ERCC6: variants seen among roughly 807,000 people sequenced by gnomAD.
ERCC6 encodes ERCC excision repair 6, chromatin remodeling factor.
Under a neutral mutation model 158.7 loss-of-function variants are expected in ERCC6, and 116 were observed. The ratio of observed to expected loss-of-function variants is 0.73; its 90% CI spans 0.63 to 0.85. The LOEUF (loss-of-function observed/expected upper bound fraction) is 0.85, where lower values mean the gene tolerates loss of function less well. Among genes scored for constraint, ERCC6 ranks in the 40% least tolerant of loss-of-function variants. The probability of loss-of-function intolerance (pLI) is 0.00; values close to 1 mark genes in which losing one functional copy is unlikely to be tolerated. For synonymous variants in ERCC6, 678 were observed against 659.3 expected, an observed-to-expected ratio of 1.03 and a Z score of -0.43; for missense variants, 1,698 against 1,799.4, an observed-to-expected ratio of 0.94 and a Z score of 1.02.
chr10:49,503,329 T>G (rs1253313126), intron 6 of ERCC6: 1 of 152,074 alleles, frequency 6.6e-6, no homozygotes, highest in Non-Finnish European at 1.5e-5. Flanking sequence ...ACAAATCTAA[T>G]CTTCGACGGC....
intron 10 of ERCC6, among the ~76,000 whole-genome samples, chr10:49,479,724 C>A (rs1015669876): frequency 6.6e-6 from 1 of 152,188 alleles, no homozygotes; most frequent in Non-Finnish European, 1.5e-5. Flanking sequence ...AGCGAGCATG[C>A]TGGTTGGAGG....
chr10:49,515,729 G>A lies in ERCC6; in HGVS notation c.1397+8304C>T, dbSNP rs765093637. 2.9e-5 allele frequency: 47 copies of A among 1,613,902 alleles called. No homozygotes were observed. In the East Asian group the frequency reaches 4.0e-4, roughly 14 times the overall value. On this transcript the variant is annotated intron_variant, in intron 5 of 20. Transcript: ENST00000355832. ...CAATGTTTTCATCAGCTCTGTCTAC[G>A]CCTCCCATGAACTGGTTATACACTT...
chr10:49,464,409 T>G (rs1403048340), intron 18 of ERCC6, among the ~76,000 whole-genome samples: 1 of 152,220 alleles, frequency 6.6e-6, no homozygotes, highest in Non-Finnish European at 1.5e-5. Flanking sequence ...GCATAAAAGT[T>G]TGGACAATTT....
intron 5 of ERCC6, among the ~76,000 whole-genome samples, chr10:49,513,827 T>C: frequency 6.6e-6 from 1 of 151,918 alleles, no homozygotes; most frequent in East Asian, 1.9e-4. Flanking sequence ...CCAAACCATA[T>C]CAATACTATT....
chr10:49,514,873 ACTTTT>A (rs745909036), intron 5 of ERCC6, among the ~76,000 whole-genome samples: 1 of 151,476 alleles, frequency 6.6e-6, no homozygotes, highest in African/African-American at 2.5e-5. Flanking sequence ...TTGGTGTTTT[ACTTTT>A]CTTATCTTCC....
chr10:49,443,413 C>A, the ERCC6 span, among the ~76,000 whole-genome samples: 3 of 152,166 alleles, frequency 2.0e-5, no homozygotes, highest in Admixed American at 2.0e-4. Context: ...ATGGAATACA[C>A]AATGGTGGTC....
chr10:49,436,883 A>T, the ERCC6 span, among the ~76,000 whole-genome samples: 1 of 152,242 alleles, frequency 6.6e-6, no homozygotes, highest in Non-Finnish European at 1.5e-5. Flanking sequence ...GGTAAGAGAG[A>T]ATAGATAAAT....
chr10:49,454,380 G>A (rs1277562264), downstream of ERCC6, among the ~76,000 whole-genome samples: 1 of 152,170 alleles, frequency 6.6e-6, no homozygotes, highest in African/African-American at 2.4e-5. Context: ...GGGAGACGGA[G>A]CTCTGTTTTC....
At chr10:49,487,295 C>T (rs570342939) in intron 8 of ERCC6, among the ~76,000 whole-genome samples, 13 of 152,266 alleles carry the variant, frequency 8.5e-5, no homozygotes, top group African/African-American at 2.9e-4. Flanking sequence ...AATAATTTGA[C>T]AGGTGTGTGC....
At chr10:49,435,652 AC>A in the ERCC6 span, among the ~76,000 whole-genome samples, 4 of 152,192 alleles carry the variant, frequency 2.6e-5, no homozygotes, top group Non-Finnish European at 5.9e-5. Context: ...TATAGGATGA[AC>A]CTAAAGCAGT....
intron 5 of ERCC6, among the ~76,000 whole-genome samples, chr10:49,517,957 A>G (rs1242449703): frequency 6.6e-6 from 1 of 152,218 alleles, no homozygotes; most frequent in African/African-American, 2.4e-5. Context: ...AGATTTTGGG[A>G]GAGTTTTGTT....
At chr10:49,515,440 CCT>C (rs1265508126) in intron 5 of ERCC6, 2 of 1,614,098 alleles carry the variant, frequency 1.2e-6, no homozygotes, top group East Asian at 2.2e-5. Context: ...GTTTGCTTTC[CCT>C]GTTTGACTAT....
intron 6 of ERCC6, chr10:49,501,809 A>C (rs1251062287): frequency 6.6e-6 from 1 of 151,842 alleles, no homozygotes; most frequent in Admixed American, 6.6e-5. Flanking sequence ...AAAAAAAAAA[A>C]TTTAGCCAGG....
At chr10:49,512,901 G>A (rs1836847295) in intron 5 of ERCC6, among the ~76,000 whole-genome samples, 1 of 152,112 alleles carries the variant, frequency 6.6e-6, no homozygotes, top group African/African-American at 2.4e-5. Context: ...TTGGATTTTC[G>A]GACTAGGGAT....
chr10:49,531,627 G>C (rs1837471029), intron 2 of ERCC6, among the ~76,000 whole-genome samples: 4 of 152,120 alleles, frequency 2.6e-5, no homozygotes, highest in Admixed American at 2.6e-4. Flanking sequence ...TCATTACAAA[G>C]AGTTGAGGTC....
At chr10:49,523,886 A>T in intron 5 of ERCC6, 147 bp downstream of exon 5, 2 of 1,189,618 alleles carry the variant, frequency 1.7e-6, no homozygotes, top group Non-Finnish European at 1.2e-6. Context: ...CACTGCTTCT[A>T]GCAGGTTAAG....
chr10:49,519,699 AG>A, intron 5 of ERCC6, among the ~76,000 whole-genome samples: 1 of 152,224 alleles, frequency 6.6e-6, no homozygotes, highest in East Asian at 1.9e-4. Flanking sequence ...GCCATAGTAA[AG>A]AAAAAAGCAT....
chr10:49,523,326 C>T (rs1355004271), intron 5 of ERCC6, among the ~76,000 whole-genome samples: 1 of 152,182 alleles, frequency 6.6e-6, no homozygotes, highest in East Asian at 1.9e-4. Flanking sequence ...TCTCAGAAAA[C>T]GTGTGGCAAT....
At chr10:49,460,580 G>A in intron 19 of ERCC6, 129 bp from the exon 20 acceptor site, 1 of 724,644 alleles carries the variant, frequency 1.4e-6, no homozygotes, top group South Asian at 1.5e-5. Context: ...TCACAGCCAT[G>A]CCATTTCTGC....
Sources: gnomAD v4.1 joint callset for allele counts (sites outside exome capture counted in the v4.1 genomes callset) on GRCh38, gnomAD v4.1.1 for gene constraint, MANE v1.5 for transcripts, NCBI Gene and HGNC (gene_info 2026-07-23, HGNC 2026-07-21) for gene names.